Variants in GLRB observed in about 807,000 individuals in gnomAD.
GLRB encodes the protein glycine receptor beta.
In GLRB, 33 loss-of-function variants were observed where a neutral mutation model predicts 54.2. The observed-to-expected ratio is 0.61, with a 90% confidence interval of 0.46 to 0.81. GLRB has a LOEUF of 0.81. Ranked by LOEUF, GLRB falls within the 40% of genes least tolerant of loss-of-function variation. The pLI is 0.00. For missense variants in GLRB, 572 were observed against 584.6 expected (o/e 0.98, Z 0.22); for synonymous variants, 209 against 208.2 (o/e 1.00, Z -0.03).
intron 2 of GLRB, 111 bp from the exon 3 acceptor site, chr4:157,120,445 C>T (rs1735771153): frequency 2.1e-6 from 1 of 478,470 alleles, no homozygotes; most frequent in Non-Finnish European, 4.0e-6. Context: ...AAAAGCCATA[C>T]TATAGTTGTG....
At chr4:157,130,901 A>G (rs1736191049) in intron 4 of GLRB, among the ~76,000 whole-genome samples, 1 of 151,760 alleles carries the variant, frequency 6.6e-6, no homozygotes, top group Non-Finnish European at 1.5e-5. Flanking sequence ...AAGGGAACCA[A>G]CAGCATAGTG....
At chr4:157,128,525 A>G (rs1023301205) in intron 4 of GLRB, among the ~76,000 whole-genome samples, 1 of 151,846 alleles carries the variant, frequency 6.6e-6, no homozygotes, top group Non-Finnish European at 1.5e-5. Flanking sequence ...GCATTTCCTC[A>G]TTCCTGTATT....
intron 2 of GLRB, among the ~76,000 whole-genome samples, chr4:157,108,606 G>A (rs1735307145): frequency 6.6e-6 from 1 of 152,084 alleles, no homozygotes; most frequent in Non-Finnish European, 1.5e-5. Flanking sequence ...GATTCCTATG[G>A]ATGAGCAAAG....
intron 9 of GLRB, among the ~76,000 whole-genome samples, chr4:157,165,223 C>T (rs922106271): frequency 1.3e-5 from 2 of 151,788 alleles, no homozygotes; most frequent in Non-Finnish European, 2.9e-5. Flanking sequence ...CTTGATGAGT[C>T]ATAAGATTTT....
At chr4:157,151,173 A>G (rs1257837058) in intron 8 of GLRB, among the ~76,000 whole-genome samples, 3 of 152,134 alleles carry the variant, frequency 2.0e-5, no homozygotes, top group Non-Finnish European at 4.4e-5. Context: ...TACTATGGAA[A>G]CAGAGAGGAT....
rs72980537 is a variant in GLRB, at chr4:157,134,003, A to G, written c.298-2466A>G. 4.3e-3 allele frequency among the ~76,000 whole-genome samples: 654 copies of G among 152,128 alleles called. 5 individuals carry two copies. Among genetic ancestry groups the G allele is most frequent in the African/African-American group, 0.015 (611 of 41,534 alleles). On this transcript the variant is annotated intron_variant, in intron 4 of 9. Transcript: ENST00000264428. Reference sequence around the variant, plus strand: ...GAACATGGAATTATGCTTCCAAAACATGTGTGCGTGTATGGAAATTTTAAG... The same window carrying G: ...GAACATGGAATTATGCTTCCAAAACGTGTGTGCGTGTATGGAAATTTTAAG...
intron 2 of GLRB, among the ~76,000 whole-genome samples, chr4:157,094,336 C>G (rs965422746): frequency 1.3e-5 from 2 of 152,210 alleles, no homozygotes; most frequent in African/African-American, 2.4e-5. Context: ...CTTTTGCTCA[C>G]TAACTCTGTA....
intron 2 of GLRB, among the ~76,000 whole-genome samples, chr4:157,091,783 C>T (rs1449590330): frequency 6.6e-6 from 1 of 152,162 alleles, no homozygotes; most frequent in Non-Finnish European, 1.5e-5. Flanking sequence ...CCATGCTGCA[C>T]TTCTTGGTGT....
rs1415833754 is a variant in GLRB at position 157,136,584 on chromosome 4, T to C, written c.413T>C (p.Leu138Ser). The change falls in exon 5 of 10, where the codon TTA becomes TCA. Residue 138 changes from leucine to serine, a missense_variant. By Grantham distance (145) the Leu-to-Ser change is moderately radical (BLOSUM62 -2). Coordinates refer to ENST00000264428, the MANE Select transcript of GLRB (RefSeq NM_000824.5). ...LTVDPTMYKC[L>S]WKPDLFFANE... The stretch of plus-strand genomic sequence containing the variant: ...GTGGATCCAACAATGTACAAGTGTT[T>C]ATGGAAACCTGATTTATTTTTTGCA... 1 of 1,612,684 alleles carries C rather than the reference T, an allele frequency of 6.2e-7. No homozygotes were observed. Among genetic ancestry groups the C allele is most frequent in the Non-Finnish European group, 8.5e-7 (1 of 1,178,714 alleles).
intron 2 of GLRB, among the ~76,000 whole-genome samples, chr4:157,099,345 T>A: frequency 6.6e-6 from 1 of 152,050 alleles, no homozygotes; most frequent in East Asian, 1.9e-4. Context: ...ATTAACTTTT[T>A]TTTTTTTTTT....
At chr4:157,136,264 A>G (rs1736394881) in intron 4 of GLRB, 2 of 566,066 alleles carry the variant, frequency 3.5e-6, no homozygotes, top group Non-Finnish European at 6.3e-6. Context: ...GAATGTCTGC[A>G]GAGAGTAATT....
intron 4 of GLRB, among the ~76,000 whole-genome samples, chr4:157,131,494 T>A (rs891540124): frequency 6.6e-6 from 1 of 151,734 alleles, no homozygotes; most frequent in Non-Finnish European, 1.5e-5. Flanking sequence ...CTATGGGTTT[T>A]GTCAAATGTA....
At chr4:157,163,903 A>G (rs1044105660) in intron 9 of GLRB, among the ~76,000 whole-genome samples, 2 of 151,648 alleles carry the variant, frequency 1.3e-5, no homozygotes, top group African/African-American at 4.9e-5. Flanking sequence ...GAGGAATAGG[A>G]AAGGTATGTC....
chr4:157,155,222 G>T (rs1275846850), intron 9 of GLRB, among the ~76,000 whole-genome samples: 5 of 152,060 alleles, frequency 3.3e-5, no homozygotes, highest in Admixed American at 2.6e-4. Context: ...TCCACCTCCT[G>T]GATTCAAGCA....
chr4:157,134,754 TGAG>T (rs1736339613), intron 4 of GLRB, among the ~76,000 whole-genome samples: 1 of 152,048 alleles, frequency 6.6e-6, no homozygotes, highest in African/African-American at 2.4e-5. Context: ...CAGAAAGAGT[TGAG>T]GTATATGATA....
intron 9 of GLRB, among the ~76,000 whole-genome samples, chr4:157,170,133 T>G (rs1458927919): frequency 1.3e-5 from 2 of 152,112 alleles, no homozygotes; most frequent in African/African-American, 4.8e-5. Flanking sequence ...GTCCTACAAC[T>G]GAGAACTTTC....
chr4:157,092,155 G>A (rs1734643048), intron 2 of GLRB, among the ~76,000 whole-genome samples: 1 of 152,130 alleles, frequency 6.6e-6, no homozygotes, highest in Admixed American at 6.5e-5. Context: ...TTAACAATGT[G>A]ATTTCTTAGG....
intron 2 of GLRB, among the ~76,000 whole-genome samples, chr4:157,119,385 A>C (rs1490192284): frequency 1.3e-5 from 2 of 151,574 alleles, no homozygotes; most frequent in African/African-American, 4.8e-5. Flanking sequence ...CTCTCTGGTC[A>C]GATTGTTTTT....
chr4:157,150,749 C>G (rs1736993086), intron 8 of GLRB, among the ~76,000 whole-genome samples: 1 of 151,988 alleles, frequency 6.6e-6, no homozygotes, highest in African/African-American at 2.4e-5. Context: ...TCCAGTCATC[C>G]TGTTCATAAC....
Sources: allele counts gnomAD v4.1 joint callset (sites outside exome capture counted in the v4.1 genomes callset), GRCh38; gene constraint gnomAD v4.1.1; transcripts MANE v1.5; gene names NCBI Gene and HGNC (gene_info 2026-07-23, HGNC 2026-07-21).